Variants in SI observed in about 807,000 individuals in gnomAD.
SI encodes sucrase-isomaltase, intestinal.
A neutral mutation model predicts 253.3 loss-of-function variants in SI; 235 were observed. That is an observed-to-expected ratio of 0.93 (90% confidence interval 0.83 to 1.03). SI has a LOEUF of 1.03. Among genes scored for constraint, SI ranks in the 50% least tolerant of loss-of-function variants. The pLI, the probability that SI is intolerant of heterozygous loss-of-function variation, is 0.00. For missense variants in SI, 2,442 were observed against 2,211.1 expected, an observed-to-expected ratio of 1.10 and a Z score of -2.09; for synonymous variants, 819 against 712.0, an observed-to-expected ratio of 1.15 and a Z score of -2.39.
At chr3:165,077,302 T>C (rs1029179947) in intron 1 of SI, among the ~76,000 whole-genome samples, 1 of 151,724 alleles carries the variant, frequency 6.6e-6, no homozygotes, top group Non-Finnish European at 1.5e-5. Flanking sequence ...CTTACCACTC[T>C]GAGGCACAGT....
At chr3:165,068,923 G>A in intron 4 of SI, 92 bp from the exon 5 acceptor site, 4 of 1,008,206 alleles carry the variant, frequency 4.0e-6, no homozygotes, top group Non-Finnish European at 6.2e-6. Context: ...TACCACAAAT[G>A]AGTACTTTTT....
chr3:165,017,517 T>C, intron 31 of SI, 31 bp downstream of exon 31: 1 of 1,596,064 alleles, frequency 6.3e-7, no homozygotes, highest in Non-Finnish European at 8.6e-7. Flanking sequence ...GTATTCCATA[T>C]TTAACATTGT....
At chr3:164,980,902 C>T (rs1717153835) in intron 47 of SI, among the ~76,000 whole-genome samples, 1 of 151,848 alleles carries the variant, frequency 6.6e-6, no homozygotes, top group East Asian at 1.9e-4. Context: ...TTATCTAAGC[C>T]AAACCGTCTT....
chr3:165,038,819 A>G (rs2108215403), intron 20 of SI, among the ~76,000 whole-genome samples: 1 of 152,184 alleles, frequency 6.6e-6, no homozygotes, highest in Non-Finnish European at 1.5e-5. Context: ...TTTTATTTCC[A>G]AAATTTAAAA....
At chr3:165,035,397 T>C (rs1576899787) in intron 22 of SI, among the ~76,000 whole-genome samples, 1 of 152,046 alleles carries the variant, frequency 6.6e-6, no homozygotes, top group East Asian at 1.9e-4. Flanking sequence ...TAAGTTTGAT[T>C]GCTAATACAT....
chr3:165,063,394 C>T (rs1267184128), intron 8 of SI, 48 bp downstream of exon 8: 2 of 870,380 alleles, frequency 2.3e-6, no homozygotes, highest in South Asian at 2.8e-5. Context: ...GCAGTTAAAA[C>T]ATTTCAAGTG....
Position 165,067,413 on chromosome 3 carries a change from T to G in SI, c.562A>C (p.Thr188Pro). ...TGGGCAACCTTCACATCATACAACG[T>G]ATCAGAAACTGTGGGTCCAGTAAAC... ...KEFTGPTVSDTLYDVKVAQNP... is the reference protein window; with the variant it reads ...KEFTGPTVSDPLYDVKVAQNP... The change falls in exon 6 of 48, where the codon ACG (threonine) becomes CCG (proline). Residue 188 changes from threonine to proline, a missense_variant. By Grantham distance (38) the Thr-to-Pro change is conservative. Coordinates refer to ENST00000264382, the MANE Select transcript of SI (RefSeq NM_001041.4). The G allele has an allele frequency of 6.2e-7, 1 of 1,612,320 alleles. No homozygotes were observed. The highest frequency in any genetic ancestry group is 8.5e-7 in the Non-Finnish European group (1 of 1,178,626).
intron 37 of SI, among the ~76,000 whole-genome samples, chr3:165,006,213 A>G (rs531798354): frequency 6.6e-6 from 1 of 152,300 alleles, no homozygotes; most frequent in Admixed American, 6.5e-5. Flanking sequence ...GGTCCAAGCG[A>G]TTCTTGTGCC....
chr3:164,985,653 G>A (rs1717399649), intron 45 of SI, among the ~76,000 whole-genome samples: 2 of 152,028 alleles, frequency 1.3e-5, no homozygotes, highest in South Asian at 2.1e-4. Flanking sequence ...TATTTAAATT[G>A]CAGAGAACTG....
rs1714299251 is a variant in SI, at chr3:165,067,403, T to C, written c.572A>G (p.Asp191Gly). 6.2e-7 allele frequency: 1 copy of C among 1,612,600 alleles called. No homozygotes were observed. ...TGPTVSDTLY[D>G]VKVAQNPFSI... ...AAATGGGTTTTGGGCAACCTTCACATCATACAACGTATCAGAAACTGTGGG... is the reference window on the plus strand; with the variant it reads ...AAATGGGTTTTGGGCAACCTTCACACCATACAACGTATCAGAAACTGTGGG... Residue 191 changes from aspartate (D) to glycine (G), a missense_variant, in exon 6 of 48, where the codon GAT (aspartate) becomes GGT (glycine). Asp to Gly is a moderately conservative substitution (Grantham distance 94). Coordinates refer to ENST00000264382, the MANE Select transcript of SI (RefSeq NM_001041.4).
chr3:164,992,183 G>A lies in SI; in HGVS notation c.4977C>T (p.Tyr1659=). 1.2e-6 allele frequency: 2 copies of A among 1,610,176 alleles called. No individual in the cohort carries two copies. Among genetic ancestry groups the A allele is most frequent in the Non-Finnish European group, 1.7e-6 (2 of 1,178,142 alleles). Residue 1659 remains tyrosine (Y), a synonymous_variant, in exon 43 of 48, where the codon TAC becomes TAT. Coordinates refer to ENST00000264382, the MANE Select transcript of SI (RefSeq NM_001041.4). ...GAATTCCTTAAATACTTACTGTATG[G>A]TAGTCAAACCACCGAGCATTGGGGA... ...AYVPNARWFD[Y]HTGKDIGVRG...
At chr3:165,027,143 A>G (rs1711962488) in intron 25 of SI, among the ~76,000 whole-genome samples, 1 of 151,448 alleles carries the variant, frequency 6.6e-6, no homozygotes, top group African/African-American at 2.4e-5. Flanking sequence ...ACTACAACTG[A>G]CACCACAGAA....
chr3:165,002,972 A>G (rs1275497650), intron 37 of SI, among the ~76,000 whole-genome samples: 2 of 151,802 alleles, frequency 1.3e-5, no homozygotes, highest in African/African-American at 4.8e-5. Flanking sequence ...ATTCCATGGA[A>G]GATTGTGCTG....
In SI at chr3:165,017,960, A is replaced by G; in HGVS notation, c.3520+10T>C. 6.3e-7 allele frequency: 1 copy of G among 1,597,672 alleles called. No homozygotes were observed. Among genetic ancestry groups the G allele is most frequent in the Non-Finnish European group, 8.6e-7 (1 of 1,165,406 alleles). On this transcript the variant is annotated intron_variant, in intron 29 of 47. Coordinates refer to ENST00000264382, the MANE Select transcript of SI (RefSeq NM_001041.4). Reference sequence around the variant, plus strand: ...TAAAATAAGAGACATTCAACAAATGATTGTTTTACCCATTGCATTGCTGTT... The same window carrying G: ...TAAAATAAGAGACATTCAACAAATGGTTGTTTTACCCATTGCATTGCTGTT...
Position 165,041,100 on chromosome 3 carries a change from A to G in SI, c.2005-6T>C. On this transcript the variant is annotated splice_polypyrimidine_tract_variant and splice_region_variant and intron_variant, in intron 17 of 47. Coordinates refer to ENST00000264382, the MANE Select transcript of SI (RefSeq NM_001041.4). ...AAAAATGCAGGATCCTGATGCTGTG[A>G]GATAGAAAGAGAAATTAAAATAAGA... 6.2e-7 allele frequency: 1 copy of G among 1,611,788 alleles called. No homozygotes were observed. The highest frequency in any genetic ancestry group is 8.5e-7 in the Non-Finnish European group (1 of 1,178,392).
intron 5 of SI, among the ~76,000 whole-genome samples, chr3:165,067,816 C>T (rs1229357949): frequency 6.6e-6 from 1 of 151,690 alleles, no homozygotes; most frequent in African/African-American, 2.4e-5. Flanking sequence ...TTTAATCAAT[C>T]TCAATGCTTT....
At chr3:165,029,692 G>A (rs888959191) in intron 25 of SI, among the ~76,000 whole-genome samples, 1 of 147,910 alleles carries the variant, frequency 6.8e-6, no homozygotes, top group Non-Finnish European at 1.5e-5. Context: ...ACATTTTCAT[G>A]TTTAGAAGAT....
chr3:164,983,203 C>A, intron 45 of SI, 152 bp from the exon 46 acceptor site: 1 of 750,524 alleles, frequency 1.3e-6, no homozygotes. Context: ...TTAACTAATT[C>A]AGATACAATC....
In SI at chr3:165,023,753, A is replaced by C; in HGVS notation, c.2916T>G (p.Pro972=). ...WRTGSSLSKA[P]ECYFPRQDNS... ...TATCTTGTCTGGGAAAGTAACACTCAGGTGCTTTGGATAGAGAAGAACCCT... is the reference window on the plus strand; with the variant it reads ...TATCTTGTCTGGGAAAGTAACACTCCGGTGCTTTGGATAGAGAAGAACCCT... Residue 972 remains proline, a synonymous_variant, in exon 26 of 48, where the codon CCT becomes CCG. Transcript: ENST00000264382. 1 of 1,610,138 alleles carries C rather than the reference A, an allele frequency of 6.2e-7. No homozygotes were observed. The highest frequency in any genetic ancestry group is 8.5e-7 in the Non-Finnish European group (1 of 1,177,362).
Sources: allele counts gnomAD v4.1 joint callset (sites outside exome capture counted in the v4.1 genomes callset), GRCh38; gene constraint gnomAD v4.1.1; transcripts MANE v1.5; gene names NCBI Gene and HGNC (gene_info 2026-07-23, HGNC 2026-07-21).